Variants in SESTD1 observed in about 807,000 individuals in gnomAD.
SESTD1 encodes the protein SEC14 domain and spectrin repeat-containing protein 1.
SESTD1 carries 43 observed loss-of-function variants against 101.7 expected under a neutral mutation model. The observed-to-expected ratio is 0.42, with a 90% CI of 0.33 to 0.55. The LOEUF (loss-of-function observed/expected upper bound fraction) is 0.55, where lower values mean the gene tolerates loss of function less well. SESTD1 is among the 20% of genes least tolerant of loss of function. The probability of loss-of-function intolerance (pLI) is 0.07; values close to 1 mark genes in which losing one functional copy is unlikely to be tolerated. For synonymous variants in SESTD1, 283 were observed against 286.8 expected, an observed-to-expected ratio of 0.99 and a Z score of 0.13; for missense variants, 647 against 815.1, an observed-to-expected ratio of 0.79 and a Z score of 2.51.
intron 8 of SESTD1, among the ~76,000 whole-genome samples, chr2:179,146,123 ACT>A (rs1173368279): frequency 4.0e-5 from 6 of 151,484 alleles, no homozygotes; most frequent in Non-Finnish European, 8.8e-5. Flanking sequence ...AGGAGCACAA[ACT>A]CTATTGTGAA....
chr2:179,257,892 T>C (rs923173415), intron 1 of SESTD1, among the ~76,000 whole-genome samples: 4 of 152,078 alleles, frequency 2.6e-5, no homozygotes, highest in Admixed American at 1.3e-4. Context: ...AAGAACCCCA[T>C]AGAATGATCA....
At position 179,214,516 on chromosome 2, in the gene SESTD1, A is replaced by T. The variant is rs183734349; in HGVS notation, c.-25-22650T>A. On this transcript the variant is annotated intron_variant, in intron 1 of 17. Coordinates refer to ENST00000428443, the MANE Select transcript of SESTD1 (RefSeq NM_178123.5). ...CAAATCCTTAGAGACCTACAAAGAG[A>T]CTTAGACTCCCACACAATAATGGGA... Among the ~76,000 whole-genome samples, 23 of 134,208 alleles carry T rather than the reference A, an allele frequency of 1.7e-4. 5 individuals are homozygous for T. Among genetic ancestry groups the T allele is most frequent in the African/African-American group, 6.8e-4 (23 of 33,800 alleles). The allele number at this position is 134,208 out of a possible 152,430, so 88.0% of individuals were successfully genotyped here.
chr2:179,185,953 T>C (rs1205169723), intron 2 of SESTD1, among the ~76,000 whole-genome samples: 2 of 140,172 alleles, frequency 1.4e-5, no homozygotes, highest in East Asian at 4.1e-4. Context: ...TTATATACAA[T>C]ATATAATATA....
chr2:179,178,766 C>G (rs955969996), intron 3 of SESTD1, among the ~76,000 whole-genome samples: 10 of 152,126 alleles, frequency 6.6e-5, no homozygotes, highest in African/African-American at 2.2e-4. Flanking sequence ...TGCCATGTGC[C>G]ATTCTCATAA....
intron 5 of SESTD1, among the ~76,000 whole-genome samples, chr2:179,162,802 T>C (rs1016903740): frequency 4.9e-5 from 7 of 141,900 alleles, no homozygotes; most frequent in African/African-American, 8.0e-5. Flanking sequence ...CTGGCCAACA[T>C]GGTGAAACCT....
At chr2:179,239,494 C>T (rs546900098) in intron 1 of SESTD1, among the ~76,000 whole-genome samples, 16 of 152,200 alleles carry the variant, frequency 1.1e-4, no homozygotes, top group Non-Finnish European at 2.2e-4. Context: ...TGACTGAAAC[C>T]ACTGGTATTC....
chr2:179,226,789 C>T (rs1439953522), intron 1 of SESTD1, among the ~76,000 whole-genome samples: 2 of 152,174 alleles, frequency 1.3e-5, no homozygotes, highest in Non-Finnish European at 2.9e-5. Context: ...TTGGCTATGT[C>T]ATTTGAATGT....
At chr2:179,159,484 T>C (rs999470216) in intron 5 of SESTD1, among the ~76,000 whole-genome samples, 2 of 152,182 alleles carry the variant, frequency 1.3e-5, no homozygotes, top group Non-Finnish European at 2.9e-5. Context: ...GGGCGGGATT[T>C]AGGCCTGAAG....
At position 179,146,476 on chromosome 2, in the gene SESTD1, G is replaced by T. The variant is rs1490008865; in HGVS notation, c.582-19C>A. On this transcript the variant is annotated intron_variant, in intron 7 of 17. Transcript: ENST00000428443. ...CACAGACCTGGAAAACACCAAAGGAGTAATTTTCAAAAGGCATATTTCTAT... is the reference window on the plus strand; with the variant it reads ...CACAGACCTGGAAAACACCAAAGGATTAATTTTCAAAAGGCATATTTCTAT... 3 of 1,604,150 alleles carry T rather than the reference G, an allele frequency of 1.9e-6. No individual in the cohort carries two copies. The highest frequency in any genetic ancestry group is 1.1e-5 in the South Asian group (1 of 89,084).
intron 9 of SESTD1, among the ~76,000 whole-genome samples, chr2:179,132,849 A>G (rs371130168): frequency 2.8e-4 from 42 of 152,356 alleles, no homozygotes; most frequent in African/African-American, 9.9e-4. Context: ...TGACTTGCCC[A>G]AGATAACATA....
chr2:179,104,910 G>A lies in SESTD1; in HGVS notation c.*4989C>T, dbSNP rs1262485511. 6.6e-6 allele frequency: 1 copy of A among 152,060 alleles called. No homozygotes were observed. Among genetic ancestry groups the A allele is most frequent in the African/African-American group, 2.4e-5 (1 of 41,400 alleles). 9.4% of individuals were successfully genotyped at this position (152,060 alleles called of 1,614,324 possible). On this transcript the variant is annotated 3_prime_UTR_variant, in exon 18 of 18. Coordinates refer to ENST00000428443, the MANE Select transcript of SESTD1 (RefSeq NM_178123.5). ...AGGTTCTGCTTTTTCTTGAAGTAGA[G>A]GGACTAGTGTTTATTCTCAAGCTTT...
chr2:179,165,989 T>C (rs2045827108), intron 5 of SESTD1, among the ~76,000 whole-genome samples: 1 of 152,170 alleles, frequency 6.6e-6, no homozygotes, highest in Admixed American at 6.5e-5. Context: ...GGAAACCAAT[T>C]AACCTGGAAT....
chr2:179,214,714 C>G (rs2046695223), intron 1 of SESTD1, among the ~76,000 whole-genome samples: 1 of 135,068 alleles, frequency 7.4e-6, no homozygotes. Context: ...CACACTTATT[C>G]TAAAATTGAC....
At chr2:179,247,284 C>T (rs1289523360) in intron 1 of SESTD1, among the ~76,000 whole-genome samples, 1 of 151,044 alleles carries the variant, frequency 6.6e-6, no homozygotes, top group Non-Finnish European at 1.5e-5. Context: ...TAATAAAAGC[C>T]TAAGTCTAGA....
intron 1 of SESTD1, among the ~76,000 whole-genome samples, chr2:179,221,531 T>C (rs1574046185): frequency 6.6e-6 from 1 of 150,998 alleles, no homozygotes; most frequent in African/African-American, 2.4e-5. Context: ...GAGAATCGCT[T>C]GAAGCCAGGA....
At chr2:179,149,535 G>A (rs1418829025) in intron 6 of SESTD1, 141 bp from the exon 7 acceptor site, 17 of 537,008 alleles carry the variant, frequency 3.2e-5, no homozygotes, top group Admixed American at 1.6e-4. Flanking sequence ...TACCACCAGA[G>A]CACAACAATG....
At chr2:179,117,713 A>C in intron 13 of SESTD1, 100 bp from the exon 14 acceptor site, 1 of 908,746 alleles carries the variant, frequency 1.1e-6, no homozygotes, top group Non-Finnish European at 1.6e-6. Flanking sequence ...ACACTAAAAT[A>C]CTTAGTCCTA....
intron 2 of SESTD1, among the ~76,000 whole-genome samples, chr2:179,188,889 G>A (rs2105493826): frequency 6.6e-6 from 1 of 152,076 alleles, no homozygotes; most frequent in East Asian, 1.9e-4. Context: ...AGAAACTGAA[G>A]CCCTCAACAG....
chr2:179,234,205 CCTGA>C (rs1410514844), intron 1 of SESTD1, among the ~76,000 whole-genome samples: 1 of 152,190 alleles, frequency 6.6e-6, no homozygotes, highest in East Asian at 1.9e-4. Flanking sequence ...GCTCTTCCTG[CCTGA>C]TGGCCTTCAA....
Sources: allele counts gnomAD v4.1 joint callset (sites outside exome capture counted in the v4.1 genomes callset), GRCh38; gene constraint gnomAD v4.1.1; transcripts MANE v1.5; gene names NCBI Gene and HGNC (gene_info 2026-07-23, HGNC 2026-07-21).